Variants in GPR39 observed in about 807,000 individuals in gnomAD.
The protein encoded by GPR39 is zinc sensing receptor.
Under a neutral mutation model 18.4 loss-of-function variants are expected in GPR39, and 23 were observed. The observed-to-expected ratio is 1.25, with a 90% CI of 0.90 to 1.77. The LOEUF (loss-of-function observed/expected upper bound fraction) is 1.77, where lower values mean the gene tolerates loss of function less well. Among genes scored for constraint, GPR39 ranks in the 40% most tolerant of loss-of-function variants. The pLI, the probability that GPR39 is intolerant of heterozygous loss-of-function variation, is 0.00. For synonymous variants in GPR39, 280 were observed against 257.9 expected (o/e 1.09, Z -0.82); for missense variants, 647 against 602.4 (o/e 1.07, Z -0.78).
intron 1 of GPR39, among the ~76,000 whole-genome samples, chr2:132,448,550 C>T (rs1025517301): frequency 2.0e-5 from 3 of 152,182 alleles, no homozygotes; most frequent in African/African-American, 7.2e-5. Context: ...TCCTTAACGG[C>T]TTTCTTAACA....
chr2:132,425,572 C>T (rs773981998), intron 1 of GPR39, among the ~76,000 whole-genome samples: 3 of 152,154 alleles, frequency 2.0e-5, no homozygotes, highest in Admixed American at 1.3e-4. Context: ...CGTATCTTCT[C>T]CCAGTTATTC....
intron 1 of GPR39, among the ~76,000 whole-genome samples, chr2:132,627,218 A>G (rs16838521): frequency 0.17 from 26,606 of 152,182 alleles, 2,458 homozygotes; most frequent in Middle Eastern, 0.24. Context: ...ACCTCTGGGT[A>G]TAGAGAGCGA....
At chr2:132,636,695 C>T (rs931118687) in intron 1 of GPR39, among the ~76,000 whole-genome samples, 2 of 152,182 alleles carry the variant, frequency 1.3e-5, no homozygotes, top group African/African-American at 4.8e-5. Context: ...CTTTTCAGTG[C>T]CAGCATTCTA....
At chr2:132,639,340 T>C (rs1421606123) in intron 1 of GPR39, among the ~76,000 whole-genome samples, 1 of 151,566 alleles carries the variant, frequency 6.6e-6, no homozygotes, top group African/African-American at 2.4e-5. Context: ...TAGAGAGAAA[T>C]TGAAAAATAG....
intron 1 of GPR39, among the ~76,000 whole-genome samples, chr2:132,552,698 G>C (rs1680064407): frequency 6.6e-6 from 1 of 151,422 alleles, no homozygotes; most frequent in Non-Finnish European, 1.5e-5. Context: ...TGTAAATATT[G>C]GCAAGCCTTT....
chr2:132,465,035 ACTTG>A (rs1329461580), intron 1 of GPR39, among the ~76,000 whole-genome samples: 1 of 152,208 alleles, frequency 6.6e-6, no homozygotes, highest in East Asian at 1.9e-4. Context: ...TGATGATTTG[ACTTG>A]CTTATTCACA....
intron 1 of GPR39, among the ~76,000 whole-genome samples, chr2:132,643,910 A>G (rs185636184): frequency 7.9e-5 from 12 of 152,350 alleles, no homozygotes; most frequent in Non-Finnish European, 1.5e-4. Flanking sequence ...GAAAATCAGA[A>G]GATTGAAAAT....
chr2:132,438,573 CTTTTTTTTTTTTTTT>C lies in GPR39; in HGVS notation c.856+20686_856+20700del, dbSNP rs35614907. 6.5e-4 allele frequency among the ~76,000 whole-genome samples: 64 copies of C among 97,772 alleles called. 1 individual carries two copies. The highest frequency in any genetic ancestry group is 2.3e-3 in the African/African-American group (61 of 26,422). The allele number at this position is 97,772 out of a possible 152,430, so 64.1% of individuals were successfully genotyped here. ...TCATGATACCTGTAATGTCAGCAAGCTTTTTTTTTTTTTTTTTTTTTTTTTACATTTTTTTGAGTG... is the reference window on the plus strand; with the variant it reads ...TCATGATACCTGTAATGTCAGCAAGCTTTTTTTTTTACATTTTTTTGAGTG... On this transcript the variant is annotated intron_variant, in intron 1 of 1. Transcript: ENST00000329321.
rs764237679 is a variant in GPR39, at chr2:132,539,503, T to C, written c.857-105598T>C. On this transcript the variant is annotated intron_variant, in intron 1 of 1. Transcript: ENST00000329321. ...TGCTTAGCTGTTTCTATTTGGTCAT[T>C]GTGGCCCCCACTATGCTAGAGTGTT... Among the ~76,000 whole-genome samples, 53 of 152,324 alleles carry C rather than the reference T, an allele frequency of 3.5e-4. 2 individuals carry two copies. The highest frequency in any genetic ancestry group is 5.9e-4 in the Admixed American group (9 of 15,302).
At chr2:132,567,591 T>C (rs1288837667) in intron 1 of GPR39, among the ~76,000 whole-genome samples, 1 of 152,154 alleles carries the variant, frequency 6.6e-6, no homozygotes, top group Non-Finnish European at 1.5e-5. Flanking sequence ...AAGAAAGAAA[T>C]TTCTTTTCTT....
intron 1 of GPR39, among the ~76,000 whole-genome samples, chr2:132,625,191 G>A (rs751167131): frequency 3.3e-5 from 5 of 151,928 alleles, no homozygotes; most frequent in African/African-American, 4.8e-5. Context: ...TGAGTACATG[G>A]CGACGTCTTG....
intron 1 of GPR39, among the ~76,000 whole-genome samples, chr2:132,616,098 G>C (rs943062826): frequency 1.3e-5 from 2 of 152,050 alleles, no homozygotes; most frequent in Non-Finnish European, 2.9e-5. Context: ...TTATTAGCCT[G>C]TAACAAACCC....
intron 1 of GPR39, among the ~76,000 whole-genome samples, chr2:132,469,474 C>T (rs1558807428): frequency 6.6e-6 from 1 of 152,208 alleles, no homozygotes; most frequent in South Asian, 2.1e-4. Flanking sequence ...ATTGCCTCTG[C>T]AGGCCATGTG....
At chr2:132,564,333 C>T (rs1447869461) in intron 1 of GPR39, among the ~76,000 whole-genome samples, 1 of 152,118 alleles carries the variant, frequency 6.6e-6, no homozygotes, top group Non-Finnish European at 1.5e-5. Flanking sequence ...GAGTGGCCAC[C>T]CCTCCCAGGA....
At chr2:132,633,485 C>G (rs1293765862) in intron 1 of GPR39, among the ~76,000 whole-genome samples, 2 of 152,008 alleles carry the variant, frequency 1.3e-5, no homozygotes, top group African/African-American at 4.8e-5. Context: ...GGTCCTTTCT[C>G]TGCTACTGAA....
At chr2:132,519,316 A>G (rs1443127297) in intron 1 of GPR39, among the ~76,000 whole-genome samples, 1 of 152,174 alleles carries the variant, frequency 6.6e-6, no homozygotes, top group Non-Finnish European at 1.5e-5. Context: ...GACATAAAAA[A>G]TGCATATTTT....
intron 1 of GPR39, among the ~76,000 whole-genome samples, chr2:132,463,545 G>C (rs1304530572): frequency 2.6e-5 from 4 of 151,654 alleles, no homozygotes; most frequent in Non-Finnish European, 5.9e-5. Context: ...TTTTGGTCTA[G>C]AGTCAGGGAA....
chr2:132,579,236 T>C (rs572753723), intron 1 of GPR39, among the ~76,000 whole-genome samples: 1 of 152,170 alleles, frequency 6.6e-6, no homozygotes, highest in South Asian at 2.1e-4. Context: ...TCATGGATTA[T>C]TTAGAAGTAT....
chr2:132,544,552 C>A (rs532363911), intron 1 of GPR39, among the ~76,000 whole-genome samples: 14 of 152,326 alleles, frequency 9.2e-5, no homozygotes, highest in Admixed American at 5.2e-4. Context: ...TCACTCTGCC[C>A]CAGGCTTGCT....
Sources: allele counts gnomAD v4.1 joint callset (sites outside exome capture counted in the v4.1 genomes callset), GRCh38; gene constraint gnomAD v4.1.1; transcripts MANE v1.5; gene names NCBI Gene and HGNC (gene_info 2026-07-23, HGNC 2026-07-21).